Variants in PROS1 observed in about 807,000 individuals in gnomAD.
PROS1 encodes protein S.
PROS1 carries 29 observed loss-of-function variants against 75.9 expected under a neutral mutation model. That is an observed-to-expected ratio of 0.38 (90% CI 0.28 to 0.52). PROS1 has a LOEUF of 0.52. Among genes scored for constraint, PROS1 ranks in the 20% least tolerant of loss-of-function variants. The pLI is 0.83. For synonymous variants in PROS1, 245 were observed against 280.6 expected (o/e 0.87, Z 1.27); for missense variants, 680 against 810.3 (o/e 0.84, Z 1.95).
chr3:93,929,473 C>G (rs1169200427), intron 1 of PROS1, among the ~76,000 whole-genome samples: 1 of 151,404 alleles, frequency 6.6e-6, no homozygotes, highest in African/African-American at 2.4e-5. Context: ...AGAGCAAGAC[C>G]CTGACTTAAA....
intron 8 of PROS1, among the ~76,000 whole-genome samples, chr3:93,897,743 A>C (rs958939354): frequency 2.6e-5 from 4 of 152,024 alleles, no homozygotes; most frequent in African/African-American, 4.8e-5. Flanking sequence ...ATAATATATA[A>C]TTTTACCTTC....
chr3:93,878,859 T>C (rs1708230129), intron 13 of PROS1, among the ~76,000 whole-genome samples: 1 of 152,238 alleles, frequency 6.6e-6, no homozygotes, highest in African/African-American at 2.4e-5. Context: ...TGGATCTCTA[T>C]GTACTCGGAT....
chr3:93,973,006 T>C (rs1489700753), intron 1 of PROS1, among the ~76,000 whole-genome samples: 1 of 152,096 alleles, frequency 6.6e-6, no homozygotes. Flanking sequence ...CATAAGGACA[T>C]AAAGAACCTG....
intron 1 of PROS1, among the ~76,000 whole-genome samples, chr3:93,950,443 G>A (rs540128910): frequency 2.6e-5 from 4 of 152,280 alleles, no homozygotes; most frequent in East Asian, 3.9e-4. Context: ...AGTAGTGGCC[G>A]ACTGACACCT....
At chr3:93,934,530 G>A (rs991943032) in intron 1 of PROS1, among the ~76,000 whole-genome samples, 1 of 152,208 alleles carries the variant, frequency 6.6e-6, no homozygotes, top group Non-Finnish European at 1.5e-5. Flanking sequence ...ATGGGTTAAA[G>A]AACATTCTGT....
At chr3:93,955,387 T>C (rs1394121882) in intron 1 of PROS1, among the ~76,000 whole-genome samples, 3 of 152,212 alleles carry the variant, frequency 2.0e-5, no homozygotes, top group Admixed American at 6.5e-5. Context: ...CATGGAATAC[T>C]ATGCAGTCAT....
chr3:93,890,437 A>T (rs963906677), intron 10 of PROS1, among the ~76,000 whole-genome samples: 8 of 152,112 alleles, frequency 5.3e-5, no homozygotes, highest in African/African-American at 1.7e-4. Flanking sequence ...GAAGCATGTG[A>T]TCTTTGTGAC....
chr3:93,884,637 C>A, intron 12 of PROS1, 91 bp downstream of exon 12: 1 of 1,391,178 alleles, frequency 7.2e-7, no homozygotes, highest in Non-Finnish European at 1.0e-6. Context: ...AGTAGATACT[C>A]AATAATGTTT....
At chr3:93,886,562 A>G in intron 10 of PROS1, 59 bp from the exon 11 acceptor site, 1 of 1,284,822 alleles carries the variant, frequency 7.8e-7, no homozygotes, top group Non-Finnish European at 1.1e-6. Flanking sequence ...CATTTGAAAT[A>G]CTGGGATCTA....
intron 2 of PROS1, among the ~76,000 whole-genome samples, chr3:93,924,659 C>T (rs1037919833): frequency 6.7e-6 from 1 of 149,596 alleles, no homozygotes; most frequent in Admixed American, 6.7e-5. Context: ...CAGTAACGTA[C>T]TCTCTTTTTT....
At chr3:93,885,519 C>T (rs1231303387) in intron 11 of PROS1, among the ~76,000 whole-genome samples, 1 of 152,172 alleles carries the variant, frequency 6.6e-6, no homozygotes, top group South Asian at 2.1e-4. Context: ...AACCACCACG[C>T]CTGGCCTTGT....
At chr3:93,953,517 A>G (rs565968971) in intron 1 of PROS1, among the ~76,000 whole-genome samples, 1 of 152,294 alleles carries the variant, frequency 6.6e-6, no homozygotes, top group African/African-American at 2.4e-5. Flanking sequence ...GCCTTCAGCA[A>G]AATTCAACAG....
intron 1 of PROS1, among the ~76,000 whole-genome samples, chr3:93,945,707 T>C (rs567917427): frequency 2.6e-5 from 4 of 152,286 alleles, no homozygotes; most frequent in Middle Eastern, 3.4e-3. Flanking sequence ...AATATCATAC[T>C]GAATGGGCAA....
At chr3:93,883,998 A>T (rs908396413) in intron 12 of PROS1, among the ~76,000 whole-genome samples, 1 of 152,174 alleles carries the variant, frequency 6.6e-6, no homozygotes, top group African/African-American at 2.4e-5. Context: ...TGGTGCATTA[A>T]GGGTAATCCT....
At chr3:93,942,505 T>A (rs1709304738) in intron 1 of PROS1, among the ~76,000 whole-genome samples, 1 of 152,170 alleles carries the variant, frequency 6.6e-6, no homozygotes, top group South Asian at 2.1e-4. Flanking sequence ...CTTAGGCTGA[T>A]AAGGTAGCTA....
intron 7 of PROS1, among the ~76,000 whole-genome samples, chr3:93,899,029 G>A (rs1480809497): frequency 2.0e-5 from 3 of 151,886 alleles, no homozygotes. Context: ...GAAGGGAAGG[G>A]AAGAAAAGAC....
chr3:93,892,850 T>C, intron 10 of PROS1, 83 bp downstream of exon 10: 2 of 1,423,386 alleles, frequency 1.4e-6, no homozygotes. Flanking sequence ...TCCATTTTGG[T>C]TTGGTATCAC....
At chr3:93,889,130 G>A (rs1708391351) in intron 10 of PROS1, among the ~76,000 whole-genome samples, 2 of 152,042 alleles carry the variant, frequency 1.3e-5, no homozygotes, top group Admixed American at 1.3e-4. Context: ...TCTCAGCTCA[G>A]ATCTAATCTC....
At chr3:93,950,920 AAAG>A (rs1295593174) in intron 1 of PROS1, among the ~76,000 whole-genome samples, 1 of 152,238 alleles carries the variant, frequency 6.6e-6, no homozygotes, top group Non-Finnish European at 1.5e-5. Flanking sequence ...AATCCATTGC[AAAG>A]AAGCTAAAAA....
Sources: gnomAD v4.1 joint callset for allele counts (sites outside exome capture counted in the v4.1 genomes callset) on GRCh38, gnomAD v4.1.1 for gene constraint, MANE v1.5 for transcripts, NCBI Gene and HGNC (gene_info 2026-07-23, HGNC 2026-07-21) for gene names.